SLC39A12: variants seen among roughly 807,000 people sequenced by gnomAD.
SLC39A12 encodes the protein solute carrier family 39 member 12.
Under a neutral mutation model 71.1 loss-of-function variants are expected in SLC39A12, and 63 were observed. The ratio of observed to expected loss-of-function variants is 0.89; its 90% CI spans 0.72 to 1.09. The LOEUF is 1.09. Ranked by LOEUF, SLC39A12 falls within the 50% of genes least tolerant of loss-of-function variation. The pLI is 0.00. For missense variants in SLC39A12, 892 were observed against 812.6 expected (o/e 1.10, Z -1.19); for synonymous variants, 351 against 301.3 (o/e 1.16, Z -1.71).
chr10:18,009,276 A>G (rs1836131022), intron 12 of SLC39A12, among the ~76,000 whole-genome samples: 1 of 152,144 alleles, frequency 6.6e-6, no homozygotes, highest in African/African-American at 2.4e-5. Flanking sequence ...CTGCCCAGGA[A>G]TTTAGTACAT....
chr10:17,987,518 T>G lies in SLC39A12; in HGVS notation c.1136T>G (p.Leu379Arg). ...ACGGTGGCTGTCACCCTTCTCACAC[T>G]GGGCTCCATGCTGGGGACAGCGCTG... The part of the protein sequence containing the change: ...YSTVAVTLLT[L>R]GSMLGTALVL... The change falls in exon 7 of 13, where the codon CTG (leucine) becomes CGG (arginine). Residue 379 changes from leucine (L) to arginine (R), a missense_variant. Physicochemically the swap from Leu to Arg is moderately radical, Grantham distance 102. Transcript: ENST00000377369. 1 of 1,614,048 alleles carries G rather than the reference T, an allele frequency of 6.2e-7. No homozygotes were observed. Among genetic ancestry groups the G allele is most frequent in the Non-Finnish European group, 8.5e-7 (1 of 1,179,988 alleles).
chr10:17,968,810 C>T (rs1053598662), intron 4 of SLC39A12, among the ~76,000 whole-genome samples: 1 of 152,034 alleles, frequency 6.6e-6, no homozygotes, highest in African/African-American at 2.4e-5. Flanking sequence ...CAATTATATT[C>T]TTAGTTATTT....
intron 10 of SLC39A12, among the ~76,000 whole-genome samples, chr10:17,999,562 TCAGAA>T (rs144692676): frequency 0.032 from 4,902 of 152,262 alleles, 128 homozygotes; most frequent in South Asian, 0.08. Flanking sequence ...TTTAGAACTT[TCAGAA>T]CAGAAGTTCT....
intron 8 of SLC39A12, 103 bp from the exon 9 acceptor site, chr10:17,993,078 T>G: frequency 4.3e-6 from 3 of 691,490 alleles, no homozygotes; most frequent in Non-Finnish European, 7.1e-6. Context: ...TTGTGGCAAC[T>G]ACCATTTTGG....
intron 5 of SLC39A12, among the ~76,000 whole-genome samples, chr10:17,979,197 T>C (rs1835192224): frequency 6.6e-6 from 1 of 152,174 alleles, no homozygotes; most frequent in African/African-American, 2.4e-5. Flanking sequence ...ATAAAAAATA[T>C]GTTGTGTTCA....
At chr10:18,023,490 G>A (rs1174466982) in intron 12 of SLC39A12, among the ~76,000 whole-genome samples, 1 of 152,042 alleles carries the variant, frequency 6.6e-6, no homozygotes, top group Non-Finnish European at 1.5e-5. Context: ...TGGCAGAGGG[G>A]CTGTCAGTTT....
At chr10:18,014,628 A>G (rs1836326311) in intron 12 of SLC39A12, among the ~76,000 whole-genome samples, 1 of 152,190 alleles carries the variant, frequency 6.6e-6, no homozygotes, top group Non-Finnish European at 1.5e-5. Flanking sequence ...AGAAATATGC[A>G]TTTATGACAA....
At position 17,961,799 on chromosome 10, in the gene SLC39A12, A is replaced by G. The variant is rs1554848439; in HGVS notation, c.480A>G (p.Ser160=). The G allele has an allele frequency of 6.2e-7, 1 of 1,614,130 alleles. No homozygotes were observed. Among genetic ancestry groups the G allele is most frequent in the Non-Finnish European group, 8.5e-7 (1 of 1,180,000 alleles). The change falls in exon 3 of 13, where the codon TCA becomes TCG. Residue 160 remains serine, a synonymous_variant. Coordinates refer to ENST00000377369, the MANE Select transcript of SLC39A12 (RefSeq NM_001145195.2). ...LRQDEDSSFL[S]QNETEDILAF... Reference sequence around the variant, plus strand: ...AGGATGAAGATTCCTCTTTCCTTTCACAGAATGAGACAGAAGATATCTTGG... The same window carrying G: ...AGGATGAAGATTCCTCTTTCCTTTCGCAGAATGAGACAGAAGATATCTTGG...
At position 17,981,342 on chromosome 10, in the gene SLC39A12, A is replaced by G. The variant is rs986705350; in HGVS notation, c.955A>G (p.Ile319Val). 6.2e-7 allele frequency: 1 copy of G among 1,612,514 alleles called. No individual in the cohort carries two copies. Among genetic ancestry groups the G allele is most frequent in the South Asian group, 1.1e-5 (1 of 90,844 alleles). ...CTTCTCTGCTAGGCAGCTGGTGGAG[A>G]TATTTCTACAGAAGGGCCTCTCACT... ...TCFSARQLVE[I>V]FLQKGLSLIS... Residue 319 changes from isoleucine (I) to valine (V), a missense_variant, in exon 6 of 13, where the codon ATA becomes GTA. Transcript: ENST00000377369.
At chr10:18,035,451 G>C (rs1379224771) in intron 12 of SLC39A12, among the ~76,000 whole-genome samples, 4 of 140,896 alleles carry the variant, frequency 2.8e-5, no homozygotes, top group African/African-American at 1.1e-4. Flanking sequence ...GGCTCCTGAG[G>C]CTTCTGCATT....
At chr10:17,970,602 A>T (rs1227642349) in intron 4 of SLC39A12, among the ~76,000 whole-genome samples, 1 of 151,650 alleles carries the variant, frequency 6.6e-6, no homozygotes, top group African/African-American at 2.4e-5. Flanking sequence ...GGCATATAGA[A>T]ATGCTACCGA....
intron 7 of SLC39A12, among the ~76,000 whole-genome samples, chr10:17,988,208 T>C (rs867049989): frequency 1.3e-5 from 2 of 152,146 alleles, no homozygotes; most frequent in African/African-American, 4.8e-5. Context: ...CTCGGGAGGC[T>C]GAGACAGGAG....
intron 8 of SLC39A12, among the ~76,000 whole-genome samples, chr10:17,991,776 T>C (rs532074038): frequency 2.2e-4 from 33 of 152,300 alleles, no homozygotes; most frequent in African/African-American, 7.2e-4. Context: ...TCTTTTATTA[T>C]ACCAGTAGCT....
At chr10:17,960,661 G>A (rs1340311640) in intron 2 of SLC39A12, among the ~76,000 whole-genome samples, 3 of 152,114 alleles carry the variant, frequency 2.0e-5, no homozygotes, top group Admixed American at 6.5e-5. Context: ...TTTACAATAC[G>A]AGTGCTATGA....
chr10:17,999,525 C>T (rs939389390), intron 10 of SLC39A12, among the ~76,000 whole-genome samples: 3 of 152,126 alleles, frequency 2.0e-5, no homozygotes, highest in Non-Finnish European at 4.4e-5. Context: ...TCGTTCAACT[C>T]TACAATTGAG....
At position 17,997,032 on chromosome 10, in the gene SLC39A12, A is replaced by AAG. The variant is rs562938206; in HGVS notation, c.1600+1311_1600+1312insGA. 4.0e-5 allele frequency among the ~76,000 whole-genome samples: 6 copies of AAG among 151,608 alleles called. No individual in the cohort carries two copies. In the South Asian group the frequency reaches 1.0e-3, roughly 26 times the overall value. On this transcript the variant is annotated intron_variant, in intron 10 of 12. Coordinates refer to ENST00000377369, the MANE Select transcript of SLC39A12 (RefSeq NM_001145195.2). ...AGTGAGACTCCGTCTCAAAAAAAAA[A>AAG]AAAAAGAAAAAGAAAAAAGAAAAAG...
At position 18,017,469 on chromosome 10, in the gene SLC39A12, C is replaced by T. The variant is rs190877613; in HGVS notation, c.1947+14111C>T. Among the ~76,000 whole-genome samples the T allele has an allele frequency of 1.8e-3, 267 of 152,170 alleles. 3 individuals are homozygous for T. Among genetic ancestry groups the T allele is most frequent in the Admixed American group, 0.011 (166 of 15,278 alleles). ...GATTACAGGTGCATGCCACCACGCC[C>T]GGCTAATTTTTGTATTTTTAGTAGA... On this transcript the variant is annotated intron_variant, in intron 12 of 12. Transcript: ENST00000377369.
intron 8 of SLC39A12, 78 bp downstream of exon 8, chr10:17,991,381 CA>C (rs763911223): frequency 8.9e-5 from 112 of 1,254,816 alleles, no homozygotes; most frequent in Non-Finnish European, 1.1e-4. Context: ...AGTACTTGTT[CA>C]AAAGTAATGA....
chr10:17,968,044 T>C (rs900038587), intron 4 of SLC39A12, among the ~76,000 whole-genome samples: 19 of 151,498 alleles, frequency 1.3e-4, no homozygotes, highest in African/African-American at 4.1e-4. Flanking sequence ...TTCTAGCTGA[T>C]CTTTGTTTGT....
Sources: allele counts gnomAD v4.1 joint callset (sites outside exome capture counted in the v4.1 genomes callset), GRCh38; gene constraint gnomAD v4.1.1; transcripts MANE v1.5; gene names NCBI Gene and HGNC (gene_info 2026-07-23, HGNC 2026-07-21).